Variants in KIAA1217 observed in about 807,000 individuals in gnomAD.
KIAA1217 encodes KIAA1217.
In KIAA1217, 88 loss-of-function variants were observed where a neutral mutation model predicts 163.9. That is an observed-to-expected ratio of 0.54 (90% CI 0.45 to 0.64). The LOEUF (loss-of-function observed/expected upper bound fraction) is 0.64. KIAA1217 is among the 30% of genes least tolerant of loss of function. The probability of loss-of-function intolerance (pLI) is 0.00; values close to 1 mark genes in which losing one functional copy is unlikely to be tolerated. For synonymous variants in KIAA1217, 903 were observed against 923.1 expected, an observed-to-expected ratio of 0.98 and a Z score of 0.39; for missense variants, 2,372 against 2,475.0, an observed-to-expected ratio of 0.96 and a Z score of 0.88.
chr10:24,079,969 A>G (rs892173069), intron 2 of KIAA1217, among the ~76,000 whole-genome samples: 1 of 152,204 alleles, frequency 6.6e-6, no homozygotes, highest in African/African-American at 2.4e-5. Flanking sequence ...TACAGGGAGA[A>G]ATAAAGAGAC....
intron 2 of KIAA1217, among the ~76,000 whole-genome samples, chr10:24,227,930 G>A (rs751901855): frequency 2.0e-4 from 31 of 152,130 alleles, no homozygotes; most frequent in Non-Finnish European, 3.5e-4. Flanking sequence ...TGCCCCTCAG[G>A]CTTCCTTAGG....
intron 8 of KIAA1217, 31 bp downstream of exon 8, chr10:24,495,227 C>T (rs754481119): frequency 5.0e-6 from 8 of 1,588,706 alleles, no homozygotes; most frequent in Non-Finnish European, 6.0e-6. Flanking sequence ...CTGTAGGAGG[C>T]CTGTGGGCTG....
chr10:24,215,786 G>A (rs1247869734), intron 1 of KIAA1217, among the ~76,000 whole-genome samples: 1 of 152,190 alleles, frequency 6.6e-6, no homozygotes, highest in Non-Finnish European at 1.5e-5. Context: ...AGTGGCGTTA[G>A]GTGGCTCTGA....
intron 2 of KIAA1217, among the ~76,000 whole-genome samples, chr10:24,097,488 G>C (rs1191324313): frequency 6.6e-6 from 1 of 152,110 alleles, no homozygotes; most frequent in East Asian, 1.9e-4. Context: ...AGGAGGTGGA[G>C]GCTGTAGTCA....
intron 4 of KIAA1217, among the ~76,000 whole-genome samples, chr10:24,436,308 T>A (rs914741360): frequency 2.0e-5 from 3 of 152,212 alleles, no homozygotes; most frequent in Non-Finnish European, 4.4e-5. Context: ...ATGTAGACAA[T>A]GTTTTATTTG....
chr10:24,191,749 T>C (rs940816368), intron 2 of KIAA1217, among the ~76,000 whole-genome samples: 2 of 152,148 alleles, frequency 1.3e-5, no homozygotes, highest in African/African-American at 4.8e-5. Context: ...GAGAAAAGTG[T>C]ACAAATTTAC....
rs78974333 is a variant in KIAA1217, at chr10:23,784,577, A to G, written c.-321+89343A>G. Among the ~76,000 whole-genome samples, 587 of 151,998 alleles carry G rather than the reference A, an allele frequency of 3.9e-3. 30 individuals carry two copies. In the East Asian group the frequency reaches 0.1, roughly 26 times the overall value. On this transcript the variant is annotated intron_variant, in intron 1 of 18. Coordinates refer to the KIAA1217 transcript ENST00000376462. ...TTCCTTTGTGACTGGATGATTTTCTATAGTAGAATGCTTTGATTTCTTTGT... is the reference window on the plus strand; with the variant it reads ...TTCCTTTGTGACTGGATGATTTTCTGTAGTAGAATGCTTTGATTTCTTTGT...
chr10:24,392,483 T>C (rs1026800877), intron 3 of KIAA1217, among the ~76,000 whole-genome samples: 2 of 152,178 alleles, frequency 1.3e-5, no homozygotes, highest in African/African-American at 2.4e-5. Flanking sequence ...TGGAAAAAGT[T>C]GATGTAGTCT....
chr10:23,796,898 G>T (rs989230403), intron 1 of KIAA1217, among the ~76,000 whole-genome samples: 1 of 151,976 alleles, frequency 6.6e-6, no homozygotes, highest in African/African-American at 2.4e-5. Context: ...TGCCACCCAG[G>T]CTGGAGTGCA....
At chr10:23,978,251 T>G (rs115426740) in intron 1 of KIAA1217, among the ~76,000 whole-genome samples, 1 of 152,192 alleles carries the variant, frequency 6.6e-6, no homozygotes, top group Non-Finnish European at 1.5e-5. Flanking sequence ...GTTCTGTCTT[T>G]ATGCTGGAAG....
chr10:23,917,510 A>G (rs1437483193), intron 1 of KIAA1217, among the ~76,000 whole-genome samples: 1 of 152,250 alleles, frequency 6.6e-6, no homozygotes, highest in East Asian at 1.9e-4. Context: ...AGCAGCGGCC[A>G]CAGAGGAAGA....
chr10:24,443,582 A>G, intron 5 of KIAA1217, among the ~76,000 whole-genome samples: 1 of 151,958 alleles, frequency 6.6e-6, no homozygotes, highest in East Asian at 1.9e-4. Context: ...GGGAGGGAGC[A>G]CAGTTAAGTT....
intron 1 of KIAA1217, among the ~76,000 whole-genome samples, chr10:23,849,704 A>G (rs1009678986): frequency 6.6e-6 from 1 of 151,728 alleles, no homozygotes; most frequent in African/African-American, 2.4e-5. Flanking sequence ...AATAAAACTT[A>G]AAAAAAAGAG....
chr10:24,469,610 T>TATTG (rs747049851), intron 5 of KIAA1217, among the ~76,000 whole-genome samples: 155 of 152,236 alleles, frequency 1.0e-3, no homozygotes, highest in Admixed American at 2.4e-3. Flanking sequence ...CTAGATATTA[T>TATTG]ATTGATTGAT....
chr10:24,217,615 C>T (rs543971311), intron 1 of KIAA1217, among the ~76,000 whole-genome samples: 1 of 152,284 alleles, frequency 6.6e-6, no homozygotes, highest in East Asian at 1.9e-4. Context: ...ACAGATCTTT[C>T]TAGGCAAAGA....
chr10:23,721,021 G>A (rs1323617422), intron 1 of KIAA1217, among the ~76,000 whole-genome samples: 3 of 152,104 alleles, frequency 2.0e-5, no homozygotes, highest in Admixed American at 2.0e-4. Context: ...ATTCATAATA[G>A]CTTCTACCTA....
At chr10:23,923,084 C>T (rs117558604) in intron 1 of KIAA1217, among the ~76,000 whole-genome samples, 3,166 of 152,130 alleles carry the variant, frequency 0.021, 61 homozygotes, top group Admixed American at 0.064. Flanking sequence ...GTCTTTTATC[C>T]TTCACCCCAC....
chr10:24,180,416 A>T (rs2066120001), intron 2 of KIAA1217, among the ~76,000 whole-genome samples: 1 of 151,032 alleles, frequency 6.6e-6, no homozygotes, highest in Admixed American at 6.7e-5. Flanking sequence ...CCTCCTGAGT[A>T]TCTGGGATTA....
chr10:23,951,185 G>C (rs768411042), intron 1 of KIAA1217, among the ~76,000 whole-genome samples: 4 of 152,122 alleles, frequency 2.6e-5, no homozygotes, highest in Non-Finnish European at 5.9e-5. Context: ...GATGAGGCAA[G>C]AGCATCTAAG....
Sources: gnomAD v4.1 joint callset for allele counts (sites outside exome capture counted in the v4.1 genomes callset) on GRCh38, gnomAD v4.1.1 for gene constraint, MANE v1.5 for transcripts, NCBI Gene and HGNC (gene_info 2026-07-23, HGNC 2026-07-21) for gene names.